The following TRPV4 variants were observed in gnomAD, a reference collection of about 807,000 sequenced individuals.
TRPV4 encodes the protein OSM9-like transient receptor potential channel 4.
In TRPV4, 58 loss-of-function variants were observed where a neutral mutation model predicts 84.1. The observed-to-expected ratio is 0.69, with a 90% CI of 0.56 to 0.86. TRPV4 has a LOEUF of 0.86. TRPV4 is among the 40% of genes least tolerant of loss of function. TRPV4 has a pLI of 0.00. For synonymous variants in TRPV4, 489 were observed against 500.9 expected (o/e 0.98, Z 0.32); for missense variants, 879 against 1,181.1 (o/e 0.74, Z 3.75).
In TRPV4 at chr12:109,786,982, A is replaced by G. The variant is rs776711904; in HGVS notation, c.2209-145T>C. On this transcript the variant is annotated intron_variant, in intron 13 of 15. Transcript: ENST00000261740. This position sits in a 1 kb window ranked among gnomAD's most constrained non-coding sequence, Gnocchi z 4.5. Reference sequence around the variant, plus strand: ...ACTCCCCACTAGACACAGGGTTTATAAACTCAAATACCCACAGGTGGCAGG... The same window carrying G: ...ACTCCCCACTAGACACAGGGTTTATGAACTCAAATACCCACAGGTGGCAGG... 12 of 1,182,266 alleles carry G rather than the reference A, an allele frequency of 1.0e-5. No individual in the cohort carries two copies. Among genetic ancestry groups the G allele is most frequent in the Non-Finnish European group, 1.4e-5 (12 of 832,710 alleles). 73.2% of individuals were successfully genotyped at this position (1,182,266 alleles called of 1,614,324 possible).
Position 109,791,255 on chromosome 12 carries a change from C to T in TRPV4, c.1891+1108G>A, listed in dbSNP as rs543561203. Reference sequence around the variant, plus strand: ...AAACTTAGCCATGCGTGGTGGCACACGCCTGTAATCCCAGCTATTCGAGAG... The same window carrying T: ...AAACTTAGCCATGCGTGGTGGCACATGCCTGTAATCCCAGCTATTCGAGAG... On this transcript the variant is annotated intron_variant, in intron 12 of 15. Transcript: ENST00000261740. Among the ~76,000 whole-genome samples the T allele has an allele frequency of 2.0e-5, 3 of 152,124 alleles. 1 individual carries two copies. In the South Asian group the frequency reaches 6.2e-4, roughly 32 times the overall value.
chr12:109,791,381 A>C (rs548027217), intron 12 of TRPV4, among the ~76,000 whole-genome samples: 27 of 151,932 alleles, frequency 1.8e-4, no homozygotes, highest in Middle Eastern at 3.4e-3. Flanking sequence ...ACCTTGCCAC[A>C]AAAAAAATAA....
At chr12:109,824,477 C>T (rs577357714) in intron 1 of TRPV4, among the ~76,000 whole-genome samples, 125 of 151,860 alleles carry the variant, frequency 8.2e-4, no homozygotes, top group African/African-American at 2.8e-3. Flanking sequence ...TTAGTCCGGC[C>T]GGGCGCAGTG....
intron 12 of TRPV4, among the ~76,000 whole-genome samples, chr12:109,791,880 C>CAGTA (rs1348301071): frequency 1.3e-5 from 2 of 152,004 alleles, no homozygotes; most frequent in Non-Finnish European, 2.9e-5. Flanking sequence ...ACTTAGCTTA[C>CAGTA]AGGCTTGTTG....
chr12:109,792,335 C>T (rs774449429), intron 12 of TRPV4, 28 bp downstream of exon 12: 6 of 1,609,692 alleles, frequency 3.7e-6, no homozygotes, highest in East Asian at 2.2e-5. Flanking sequence ...CCACCCCTGC[C>T]AGGACCACCT....
intron 13 of TRPV4, among the ~76,000 whole-genome samples, chr12:109,787,178 G>A (rs1889744223): frequency 6.6e-6 from 1 of 152,228 alleles, no homozygotes; most frequent in African/African-American, 2.4e-5. Flanking sequence ...CCTGAGGGCT[G>A]CCAGGCAGGA....
chr12:109,817,682 A>G (rs1891919770), intron 1 of TRPV4, among the ~76,000 whole-genome samples: 1 of 152,228 alleles, frequency 6.6e-6, no homozygotes, highest in Non-Finnish European at 1.5e-5. Flanking sequence ...CTAAATCACC[A>G]TCCTCGCCTG....
At chr12:109,821,560 C>T (rs1390852982) in intron 1 of TRPV4, among the ~76,000 whole-genome samples, 2 of 152,066 alleles carry the variant, frequency 1.3e-5, no homozygotes, top group South Asian at 4.2e-4. Flanking sequence ...AAGAGAGTCT[C>T]GCTCTGTCCC....
intron 1 of TRPV4, among the ~76,000 whole-genome samples, chr12:109,826,281 C>G (rs1892249453): frequency 6.6e-6 from 1 of 152,230 alleles, no homozygotes; most frequent in East Asian, 1.9e-4. Context: ...ACCTTGGCCT[C>G]CCAAAGTGTT....
intron 13 of TRPV4, 57 bp downstream of exon 13, chr12:109,788,343 C>T: frequency 6.5e-7 from 1 of 1,547,420 alleles, no homozygotes. Flanking sequence ...TCGGGTGGGT[C>T]TCCTCGGAAG....
At position 109,796,462 on chromosome 12, in the gene TRPV4, C is replaced by A; in HGVS notation, c.1332+63G>T. The A allele has an allele frequency of 6.3e-7, 1 of 1,592,822 alleles. No individual in the cohort carries two copies. On this transcript the variant is annotated intron_variant, in intron 7 of 15. Coordinates refer to ENST00000261740, the MANE Select transcript of TRPV4 (RefSeq NM_021625.5). The surrounding 1 kb of genome is among the most constrained non-coding windows in gnomAD (Gnocchi z 4.2). ...GTCTCCCCCAGCCCAGCCCCAGGGC[C>A]CTGTCCCTACTCCCAGCCCTGCCCC...
intron 13 of TRPV4, among the ~76,000 whole-genome samples, chr12:109,787,791 G>T (rs1266080050): frequency 6.6e-6 from 1 of 152,180 alleles, no homozygotes; most frequent in African/African-American, 2.4e-5. Flanking sequence ...CCTGGGCCGT[G>T]GGGCAGCACT....
intron 2 of TRPV4, among the ~76,000 whole-genome samples, chr12:109,809,772 C>A (rs1565880225): frequency 6.6e-6 from 1 of 152,122 alleles, no homozygotes; most frequent in Admixed American, 6.6e-5. Flanking sequence ...GAGACAAAAA[C>A]AAAGATAAAA....
intron 6 of TRPV4, among the ~76,000 whole-genome samples, chr12:109,797,240 C>T (rs969568372): frequency 2.0e-5 from 3 of 152,064 alleles, no homozygotes; most frequent in African/African-American, 7.2e-5. Flanking sequence ...CAACCCTCTC[C>T]TCCTAGGTTC....
intron 4 of TRPV4, 60 bp from the exon 5 acceptor site, chr12:109,800,818 T>C: frequency 1.4e-6 from 1 of 709,502 alleles, no homozygotes; most frequent in South Asian, 2.9e-5. Context: ...CCAGGCTTGC[T>C]GGGGGTGGGG....
intron 1 of TRPV4, among the ~76,000 whole-genome samples, chr12:109,828,109 T>C (rs1000423120): frequency 6.6e-6 from 1 of 152,166 alleles, no homozygotes; most frequent in African/African-American, 2.4e-5. Flanking sequence ...TGTTACTCAC[T>C]AACCAAAGAA....
intron 4 of TRPV4, 31 bp downstream of exon 4, chr12:109,802,960 C>T (rs780213487): frequency 8.1e-6 from 13 of 1,611,698 alleles, no homozygotes; most frequent in African/African-American, 8.0e-5. Flanking sequence ...CATCAGCCCC[C>T]GTGGCACCCC....
At chr12:109,813,446 G>A (rs1305546553) in intron 2 of TRPV4, among the ~76,000 whole-genome samples, 1 of 152,014 alleles carries the variant, frequency 6.6e-6, no homozygotes, top group African/African-American at 2.4e-5. Flanking sequence ...TGAATGGAGA[G>A]TTAGATGAGT....
intron 14 of TRPV4, 112 bp from the exon 15 acceptor site, chr12:109,784,549 G>C (rs979198539): frequency 5.2e-6 from 8 of 1,530,208 alleles, no homozygotes; most frequent in Non-Finnish European, 7.2e-6. Context: ...ACATAACAAG[G>C]CTGGGCGTGG....
Sources: allele counts gnomAD v4.1 joint callset (sites outside exome capture counted in the v4.1 genomes callset), GRCh38; gene constraint gnomAD v4.1.1; non-coding constraint Gnocchi (gnomAD v3.1); transcripts MANE v1.5; gene names NCBI Gene and HGNC (gene_info 2026-07-23, HGNC 2026-07-21).